Variants in RIPOR2 observed in about 807,000 individuals in gnomAD.
RIPOR2 encodes the protein RHO family interacting cell polarization regulator 2, also known as rho family-interacting cell polarization regulator 2.
RIPOR2 carries 39 observed loss-of-function variants against 114.5 expected under a neutral mutation model. That is an observed-to-expected ratio of 0.34 (90% CI 0.26 to 0.44). The LOEUF is 0.44. Ranked by LOEUF, RIPOR2 falls within the 20% of genes least tolerant of loss-of-function variation. RIPOR2 has a pLI of 1.00. For missense variants in RIPOR2, 1,007 were observed against 1,255.1 expected (o/e 0.80, Z 2.99); for synonymous variants, 445 against 484.4 (o/e 0.92, Z 1.07).
chr6:24,823,987 C>T (rs528044206), intron 19 of RIPOR2, among the ~76,000 whole-genome samples: 16 of 152,252 alleles, frequency 1.1e-4, no homozygotes, highest in African/African-American at 3.9e-4. Context: ...AAACTCCTGA[C>T]CTCAGGTGAT....
intron 11 of RIPOR2, among the ~76,000 whole-genome samples, chr6:24,849,258 C>T (rs1240423105): frequency 3.3e-5 from 5 of 152,122 alleles, no homozygotes; most frequent in Non-Finnish European, 5.9e-5. Context: ...ATTTGGAAAA[C>T]GATTTCTAAG....
chr6:24,821,471 A>G (rs1759698230), intron 19 of RIPOR2, among the ~76,000 whole-genome samples: 1 of 152,252 alleles, frequency 6.6e-6, no homozygotes, highest in Non-Finnish European at 1.5e-5. Context: ...GGCGTGAGCC[A>G]CAGTGCCCAG....
intron 1 of RIPOR2, among the ~76,000 whole-genome samples, chr6:24,948,961 C>G (rs914091573): frequency 1.3e-5 from 2 of 152,170 alleles, no homozygotes; most frequent in Non-Finnish European, 2.9e-5. Flanking sequence ...TCTCTCCAAC[C>G]CTCTCCCTCT....
intron 20 of RIPOR2, among the ~76,000 whole-genome samples, chr6:24,817,762 A>G (rs1433058961): frequency 6.6e-6 from 1 of 152,100 alleles, no homozygotes; most frequent in Non-Finnish European, 1.5e-5. Flanking sequence ...CTCCCTGCTC[A>G]CGACACCTCC....
chr6:24,957,911 A>C (rs6938772), intron 1 of RIPOR2, among the ~76,000 whole-genome samples: 9,155 of 152,136 alleles, frequency 0.06, 576 homozygotes, highest in Middle Eastern at 0.17. Flanking sequence ...AAACAATTAC[A>C]CTTAAAAAAT....
intron 1 of RIPOR2, chr6:25,023,121 C>A (rs1471205070): frequency 1.0e-5 from 5 of 488,282 alleles, no homozygotes; most frequent in Non-Finnish European, 2.0e-5. Context: ...AAAGCTGGGG[C>A]CTGGTAGCCC....
At position 24,828,443 on chromosome 6, in the gene RIPOR2, G is replaced by GTCC. The variant is rs1760380907; in HGVS notation, c.2507-151_2507-149dup. The GTCC allele has an allele frequency of 8.3e-6, 5 of 602,064 alleles. No homozygotes were observed. The South Asian group carries it at 1.4e-4, about 17-fold the overall frequency. The allele number at this position is 602,064 out of a possible 1,614,324, so 37.3% of individuals were successfully genotyped here. A position where few individuals can be genotyped will look rare whatever the true frequency, so the allele number is the denominator to read the frequency against. On this transcript the variant is annotated intron_variant, in intron 17 of 21. Transcript: ENST00000643898. ...GGTCTCAAACTCCTGGGCTCAAGCAGTCCTCCTGCCTCAGTTTCCCAAGTA... is the reference window on the plus strand; with the variant it reads ...GGTCTCAAACTCCTGGGCTCAAGCAGTCCTCCTCCTGCCTCAGTTTCCCAAGTA...
At chr6:24,964,997 T>G (rs767365252) in intron 1 of RIPOR2, among the ~76,000 whole-genome samples, 14 of 152,190 alleles carry the variant, frequency 9.2e-5, no homozygotes, top group Admixed American at 6.6e-5. Context: ...CGTTCTTATT[T>G]CTAAGATTTG....
chr6:24,959,202 A>C (rs1387571070), intron 1 of RIPOR2, among the ~76,000 whole-genome samples: 2 of 152,122 alleles, frequency 1.3e-5, no homozygotes, highest in African/African-American at 4.8e-5. Flanking sequence ...TTTCATTTTA[A>C]CTAATTACAT....
In RIPOR2 at chr6:25,022,531, C is replaced by CTT. The variant is rs1561848668; in HGVS notation, c.76+19319_76+19320insAA. ...CACATATAACTAATGTGGTACCTTC[C>CTT]ATTTTTTTTTTTTTTTTTTTTTTTT... On this transcript the variant is annotated intron_variant, in intron 1 of 13. Coordinates refer to the RIPOR2 transcript ENST00000510784. Among the ~76,000 whole-genome samples the CTT allele has an allele frequency of 3.6e-4, 23 of 64,520 alleles. 2 individuals are homozygous for CTT. Among genetic ancestry groups the CTT allele is most frequent in the East Asian group, 7.4e-4 (2 of 2,706 alleles). The allele number at this position is 64,520 out of a possible 152,430, so 42.3% of individuals were successfully genotyped here.
At chr6:24,827,086 C>T (rs184415913) in intron 18 of RIPOR2, among the ~76,000 whole-genome samples, 1 of 152,080 alleles carries the variant, frequency 6.6e-6, no homozygotes, top group Admixed American at 6.6e-5. Context: ...GTAATATAAA[C>T]ATTTTCTCAG....
chr6:24,934,877 A>C (rs1739146746), intron 1 of RIPOR2, among the ~76,000 whole-genome samples: 1 of 152,232 alleles, frequency 6.6e-6, no homozygotes, highest in Admixed American at 6.5e-5. Context: ...AAAAGCTGCA[A>C]GATGAGAACA....
At chr6:24,935,492 C>T (rs1173841190) in intron 1 of RIPOR2, among the ~76,000 whole-genome samples, 1 of 152,136 alleles carries the variant, frequency 6.6e-6, no homozygotes, top group Non-Finnish European at 1.5e-5. Flanking sequence ...CTGCTGTGCT[C>T]AAACCACTGT....
chr6:24,915,642 T>G (rs1207444173), intron 1 of RIPOR2, among the ~76,000 whole-genome samples: 3 of 152,208 alleles, frequency 2.0e-5, no homozygotes, highest in Non-Finnish European at 4.4e-5. Context: ...GGATTACAGG[T>G]GTGAACCACC....
chr6:24,918,486 C>T (rs891697007), intron 1 of RIPOR2, among the ~76,000 whole-genome samples: 1 of 152,168 alleles, frequency 6.6e-6, no homozygotes, highest in Non-Finnish European at 1.5e-5. Context: ...TCCCTGCCCC[C>T]ACCTATGCAA....
intron 9 of RIPOR2, among the ~76,000 whole-genome samples, chr6:24,851,587 G>A (rs1160272816): frequency 6.6e-5 from 10 of 152,122 alleles, no homozygotes; most frequent in African/African-American, 2.4e-4. Context: ...TGGAGGAGAT[G>A]TTAGATGAAA....
chr6:24,884,536 C>T (rs937722809), intron 1 of RIPOR2, among the ~76,000 whole-genome samples: 1 of 152,162 alleles, frequency 6.6e-6, no homozygotes, highest in African/African-American at 2.4e-5. Flanking sequence ...TTGACTAAGA[C>T]AACTGACGTG....
chr6:24,957,915 A>T (rs959664908), intron 1 of RIPOR2, among the ~76,000 whole-genome samples: 1 of 152,216 alleles, frequency 6.6e-6, no homozygotes, highest in Non-Finnish European at 1.5e-5. Flanking sequence ...AATTACACTT[A>T]AAAAATTACA....
At chr6:24,913,316 C>T (rs1197581168) in intron 1 of RIPOR2, among the ~76,000 whole-genome samples, 1 of 152,172 alleles carries the variant, frequency 6.6e-6, no homozygotes, top group Admixed American at 6.5e-5. Flanking sequence ...GAAGAGGGCA[C>T]AGTGGGCTGC....
Sources: gnomAD v4.1 joint callset for allele counts (sites outside exome capture counted in the v4.1 genomes callset) on GRCh38, gnomAD v4.1.1 for gene constraint, MANE v1.5 for transcripts, NCBI Gene and HGNC (gene_info 2026-07-23, HGNC 2026-07-21) for gene names.